Variants in SMOC2 observed in about 807,000 individuals in gnomAD.
The protein encoded by SMOC2 is SPARC related modular calcium binding 2, also known as SPARC-related modular calcium-binding protein 2.
Under a neutral mutation model 61.4 loss-of-function variants are expected in SMOC2, and 39 were observed. The ratio of observed to expected loss-of-function variants is 0.64; its 90% CI spans 0.49 to 0.83. The LOEUF (loss-of-function observed/expected upper bound fraction) is 0.83. Among genes scored for constraint, SMOC2 ranks in the 40% least tolerant of loss-of-function variants. SMOC2 has a pLI of 0.00. For missense variants in SMOC2, 556 were observed against 592.9 expected (o/e 0.94, Z 0.65); for synonymous variants, 247 against 239.9 (o/e 1.03, Z -0.27).
At chr6:168,460,452 C>T (rs1781694530) in intron 1 of SMOC2, among the ~76,000 whole-genome samples, 1 of 152,180 alleles carries the variant, frequency 6.6e-6, no homozygotes, top group Non-Finnish European at 1.5e-5. Context: ...CATTTTACGT[C>T]TGTCTTACTT....
In SMOC2 at chr6:168,616,317, C is replaced by T. The variant is rs182279482; in HGVS notation, c.907+8078C>T. 2.6e-5 allele frequency among the ~76,000 whole-genome samples: 4 copies of T among 152,328 alleles called. No homozygotes were observed. The East Asian group carries it at 7.7e-4, about 29-fold the overall frequency. On this transcript the variant is annotated intron_variant, in intron 9 of 12. Coordinates refer to ENST00000356284, the MANE Select transcript of SMOC2 (RefSeq NM_001166412.2). ...TCTGCACTCTGTGTCCATACAGGCT[C>T]ACGCCAGAACCAGCTGCTCAGGGCA...
intron 8 of SMOC2, among the ~76,000 whole-genome samples, chr6:168,602,749 T>C (rs1583151077): frequency 6.6e-6 from 1 of 151,998 alleles, no homozygotes; most frequent in Middle Eastern, 3.2e-3. Flanking sequence ...GACACAAAGA[T>C]GGTAGAGGTG....
At chr6:168,446,394 C>T (rs1422073139) in intron 1 of SMOC2, among the ~76,000 whole-genome samples, 2 of 152,064 alleles carry the variant, frequency 1.3e-5, no homozygotes, top group Non-Finnish European at 1.5e-5. Flanking sequence ...ATAAACTGTT[C>T]TACACATACA....
intron 7 of SMOC2, among the ~76,000 whole-genome samples, chr6:168,578,485 T>C (rs1226415902): frequency 6.6e-6 from 1 of 152,212 alleles, no homozygotes; most frequent in Non-Finnish European, 1.5e-5. Flanking sequence ...TTTGTTCATC[T>C]CTGAATAATT....
chr6:168,505,090 C>G (rs2749252), intron 1 of SMOC2, among the ~76,000 whole-genome samples: 73,333 of 139,116 alleles, frequency 0.53, 19,309 homozygotes, highest in East Asian at 0.75. Flanking sequence ...CCAGGTGAAT[C>G]AGTGAATGAA....
intron 7 of SMOC2, among the ~76,000 whole-genome samples, chr6:168,556,647 A>C (rs920263644): frequency 6.6e-6 from 1 of 151,748 alleles, no homozygotes; most frequent in Non-Finnish European, 1.5e-5. Context: ...CACAACGTGC[A>C]TGTTTGTTAC....
At chr6:168,630,381 A>G (rs992367538) in intron 9 of SMOC2, among the ~76,000 whole-genome samples, 3 of 152,198 alleles carry the variant, frequency 2.0e-5, no homozygotes, top group Non-Finnish European at 2.9e-5. Flanking sequence ...ATCTCTAAAC[A>G]TAAGTTGTGA....
At chr6:168,633,925 A>G (rs140922690) in intron 9 of SMOC2, among the ~76,000 whole-genome samples, 5 of 152,188 alleles carry the variant, frequency 3.3e-5, no homozygotes, top group Non-Finnish European at 7.3e-5. Context: ...TGCTCTTCTC[A>G]TGATAGTGAG....
At chr6:168,643,310 A>G (rs1395401192) in intron 9 of SMOC2, among the ~76,000 whole-genome samples, 1 of 152,134 alleles carries the variant, frequency 6.6e-6, no homozygotes, top group Non-Finnish European at 1.5e-5. Context: ...TTCCTTTCAG[A>G]TAAGGTCCAC....
intron 1 of SMOC2, among the ~76,000 whole-genome samples, chr6:168,461,755 A>G (rs1246376205): frequency 6.6e-6 from 1 of 152,218 alleles, no homozygotes; most frequent in Non-Finnish European, 1.5e-5. Context: ...ACCCATGCAG[A>G]TGAGGCAGCC....
chr6:168,500,788 T>C (rs908174104), intron 1 of SMOC2, among the ~76,000 whole-genome samples: 2 of 152,178 alleles, frequency 1.3e-5, no homozygotes, highest in South Asian at 4.1e-4. Context: ...AGGGTACTGC[T>C]TCACAGTGGC....
At chr6:168,460,277 C>A (rs574171504) in intron 1 of SMOC2, among the ~76,000 whole-genome samples, 1 of 152,278 alleles carries the variant, frequency 6.6e-6, no homozygotes, top group Non-Finnish European at 1.5e-5. Context: ...ATGGGATATC[C>A]TTCTAAGGTA....
intron 3 of SMOC2, 79 bp downstream of exon 3, chr6:168,526,531 G>A: frequency 8.3e-7 from 1 of 1,198,036 alleles, no homozygotes; most frequent in East Asian, 2.4e-5. Context: ...GAGAAGGCAG[G>A]TGGGGGGAGC....
intron 7 of SMOC2, among the ~76,000 whole-genome samples, chr6:168,577,062 G>A (rs971914697): frequency 5.9e-5 from 9 of 152,140 alleles, no homozygotes; most frequent in Admixed American, 5.2e-4. Context: ...TGAAAACTAT[G>A]CACGTTTCAA....
intron 2 of SMOC2, among the ~76,000 whole-genome samples, chr6:168,511,568 C>G (rs985868663): frequency 8.5e-5 from 13 of 152,154 alleles, no homozygotes; most frequent in Admixed American, 6.5e-5. Context: ...CAAACCATAT[C>G]AGGGTGATTT....
intron 9 of SMOC2, among the ~76,000 whole-genome samples, chr6:168,634,758 G>A (rs563571641): frequency 2.6e-5 from 4 of 152,324 alleles, no homozygotes; most frequent in Admixed American, 6.5e-5. Flanking sequence ...ATGGGCCATC[G>A]TAGACACTGT....
Position 168,500,423 on chromosome 6 carries a change from C to T in SMOC2, c.85-9492C>T, listed in dbSNP as rs186224228. ...GGAGGTGTTTTGTACTTGGTGTTGG[C>T]GGGTCTCCTGTTGACTCGGGTGGAA... On this transcript the variant is annotated intron_variant, in intron 1 of 12. Coordinates refer to ENST00000356284, the MANE Select transcript of SMOC2 (RefSeq NM_001166412.2). Among the ~76,000 whole-genome samples the T allele has an allele frequency of 3.3e-5, 5 of 151,994 alleles. No individual in the cohort carries two copies. In the South Asian group the frequency reaches 6.2e-4, roughly 19 times the overall value.
chr6:168,648,188 C>G (rs976681417), intron 9 of SMOC2, among the ~76,000 whole-genome samples: 1 of 152,240 alleles, frequency 6.6e-6, no homozygotes, highest in African/African-American at 2.4e-5. Context: ...TAATAATATT[C>G]TTCTCCATCA....
At chr6:168,559,811 G>C (rs935889586) in intron 7 of SMOC2, among the ~76,000 whole-genome samples, 1 of 152,124 alleles carries the variant, frequency 6.6e-6, no homozygotes, top group Non-Finnish European at 1.5e-5. Flanking sequence ...ATTTTTACCA[G>C]TCCATCCTCC....
Sources: allele counts gnomAD v4.1 joint callset (sites outside exome capture counted in the v4.1 genomes callset), GRCh38; gene constraint gnomAD v4.1.1; transcripts MANE v1.5; gene names NCBI Gene and HGNC (gene_info 2026-07-23, HGNC 2026-07-21).